The following RIN3 variants were observed in gnomAD, a reference collection of about 807,000 sequenced individuals.
RIN3 encodes the protein RAB5 interacting protein 3.
RIN3 carries 54 observed loss-of-function variants against 76.3 expected under a neutral mutation model. The ratio of observed to expected loss-of-function variants is 0.71; its 90% CI spans 0.57 to 0.89. The LOEUF (loss-of-function observed/expected upper bound fraction) is 0.89, where lower values mean the gene tolerates loss of function less well. Among genes scored for constraint, RIN3 ranks in the 40% least tolerant of loss-of-function variants. The pLI, the probability that RIN3 is intolerant of heterozygous loss-of-function variation, is 0.00. For missense variants in RIN3, 1,256 were observed against 1,322.1 expected (o/e 0.95, Z 0.78); for synonymous variants, 576 against 564.0 (o/e 1.02, Z -0.30).
At chr14:92,638,388 G>A (rs982990109) in intron 4 of RIN3, among the ~76,000 whole-genome samples, 1 of 152,188 alleles carries the variant, frequency 6.6e-6, no homozygotes, top group African/African-American at 2.4e-5. Flanking sequence ...GGGGCAAGCC[G>A]GAAAGGCAGA....
chr14:92,606,746 A>G (rs1181577724), intron 3 of RIN3, among the ~76,000 whole-genome samples: 1 of 152,236 alleles, frequency 6.6e-6, no homozygotes, highest in African/African-American at 2.4e-5. Flanking sequence ...CATAAAAAAG[A>G]TGGACAATAA....
chr14:92,531,745 C>A (rs1167671481), intron 1 of RIN3, among the ~76,000 whole-genome samples: 2 of 152,100 alleles, frequency 1.3e-5, no homozygotes, highest in African/African-American at 4.8e-5. Context: ...TGGCCTGCAC[C>A]CTCACGACAC....
At chr14:92,621,894 G>C (rs905736080) in intron 4 of RIN3, among the ~76,000 whole-genome samples, 2 of 152,154 alleles carry the variant, frequency 1.3e-5, no homozygotes, top group Admixed American at 6.5e-5. Flanking sequence ...CAAGCTTACT[G>C]GTTTTACTTT....
chr14:92,652,035 C>T lies in RIN3; in HGVS notation c.986C>T (p.Pro329Leu). The T allele has an allele frequency of 6.2e-7, 1 of 1,601,204 alleles. No homozygotes were observed. The highest frequency in any genetic ancestry group is 8.5e-7 in the Non-Finnish European group (1 of 1,178,598). ...CACGTCACACCCCATGCCCCAGGTC[C>T]CCCAGACCATCCGAACCAGCCGCCC... Reference protein sequence around the residue: ...APHVTPHAPGPPDHPNQPPMM... With the variant: ...APHVTPHAPGLPDHPNQPPMM... The change falls in exon 6 of 10, where the codon CCC (proline) becomes CTC (leucine). Residue 329 changes from proline to leucine, a missense_variant. Physicochemically the swap from Pro to Leu is moderately conservative, Grantham distance 98 (BLOSUM62 -3). Transcript: ENST00000216487. The surrounding 1 kb of genome is among the most constrained non-coding windows in gnomAD (Gnocchi z 6.4).
intron 1 of RIN3, among the ~76,000 whole-genome samples, chr14:92,527,488 A>ATAGGT (rs1896770232): frequency 6.6e-6 from 1 of 152,200 alleles, no homozygotes; most frequent in Non-Finnish European, 1.5e-5. Flanking sequence ...CTATAGGACT[A>ATAGGT]CATCTTTTGG....
rs1293175957 is a variant in RIN3 at position 92,652,901 on chromosome 14, A to G, written c.1852A>G (p.Ser618Gly). 6.2e-7 allele frequency: 1 copy of G among 1,614,054 alleles called. No homozygotes were observed. Among genetic ancestry groups the G allele is most frequent in the Non-Finnish European group, 8.5e-7 (1 of 1,180,034 alleles). Residue 618 changes from serine to glycine, a missense_variant, in exon 6 of 10, where the codon AGC becomes GGC. Ser to Gly is a moderately conservative substitution (Grantham distance 56). Transcript: ENST00000216487. The surrounding 1 kb of genome is among the most constrained non-coding windows in gnomAD (Gnocchi z 6.4). ...GCAGGACAAGGGCTCGTACTTTGGC[A>G]GCCTGGTGCAGGACTACAAGGTGTA... ...LAQDKGSYFG[S>G]LVQDYKVYSL...
At chr14:92,626,181 C>A (rs1388619852) in intron 4 of RIN3, among the ~76,000 whole-genome samples, 2 of 152,176 alleles carry the variant, frequency 1.3e-5, no homozygotes, top group African/African-American at 4.8e-5. Flanking sequence ...ATTTTCCCAG[C>A]AGACTGCATT....
intron 7 of RIN3, among the ~76,000 whole-genome samples, chr14:92,673,509 CTTT>C (rs34245765): frequency 6.8e-6 from 1 of 146,850 alleles, no homozygotes; most frequent in Non-Finnish European, 1.5e-5. Context: ...AAAATATCCA[CTTT>C]TTTTTTTTTT....
intron 1 of RIN3, among the ~76,000 whole-genome samples, chr14:92,532,045 C>T (rs1486742083): frequency 2.0e-5 from 3 of 151,930 alleles, no homozygotes; most frequent in South Asian, 2.1e-4. Flanking sequence ...TCTCCTGCCT[C>T]GGCCTCCTGA....
intron 4 of RIN3, among the ~76,000 whole-genome samples, chr14:92,632,710 C>T (rs1228068776): frequency 3.3e-5 from 5 of 152,136 alleles, no homozygotes; most frequent in Non-Finnish European, 2.9e-5. Flanking sequence ...CCACTCCAGC[C>T]GCTCCCTCCA....
chr14:92,666,915 G>A lies in RIN3; in HGVS notation c.2335+7446G>A, dbSNP rs528855404. 2.0e-5 allele frequency among the ~76,000 whole-genome samples: 3 copies of A among 152,316 alleles called. No individual in the cohort carries two copies. In the East Asian group the frequency reaches 5.8e-4, roughly 29 times the overall value. ...CCTGATACCACCCACGTGAGCTTCT[G>A]GAAACAGGGCCTGGCTCCTAACCCC... On this transcript the variant is annotated intron_variant, in intron 7 of 9. Transcript: ENST00000216487.
chr14:92,588,207 T>C (rs2140073128), intron 3 of RIN3, among the ~76,000 whole-genome samples: 1 of 136,606 alleles, frequency 7.3e-6, no homozygotes, highest in East Asian at 2.1e-4. Flanking sequence ...ATTCAAGCCA[T>C]AGCACTCTTT....
At chr14:92,631,932 G>A (rs188754837) in intron 4 of RIN3, among the ~76,000 whole-genome samples, 17 of 152,296 alleles carry the variant, frequency 1.1e-4, no homozygotes, top group Admixed American at 1.1e-3. Flanking sequence ...CCAGGTGAAT[G>A]ATACCAGTTG....
At position 92,651,927 on chromosome 14, in the gene RIN3, G is replaced by T; in HGVS notation, c.878G>T (p.Ser293Ile). ...PPPVLPLQPC[S>I]PAQPPVLPAL... The stretch of plus-strand genomic sequence containing the variant: ...CCAGTGCTGCCCCTGCAGCCCTGCA[G>T]CCCAGCCCAGCCCCCTGTGCTCCCT... Residue 293 changes from serine to isoleucine, a missense_variant, in exon 6 of 10, where the codon AGC becomes ATC. Ser to Ile is a moderately radical substitution (Grantham distance 142). This residue lies in a region of RIN3 where 610 missense variants were observed against 626.4 expected (regional missense o/e 0.97). Transcript: ENST00000216487. 7.6e-7 allele frequency: 1 copy of T among 1,319,878 alleles called. No individual in the cohort carries two copies. Among genetic ancestry groups the T allele is most frequent in the Non-Finnish European group, 9.9e-7 (1 of 1,011,902 alleles). The allele number at this position is 1,319,878 out of a possible 1,614,324, so 81.8% of individuals were successfully genotyped here.
At chr14:92,536,734 C>T (rs1897009350) in intron 1 of RIN3, among the ~76,000 whole-genome samples, 2 of 124,624 alleles carry the variant, frequency 1.6e-5, no homozygotes, top group South Asian at 5.3e-4. Flanking sequence ...GAGCAAGACT[C>T]CGTCTCAGAA....
intron 3 of RIN3, among the ~76,000 whole-genome samples, chr14:92,581,614 C>T (rs975836679): frequency 4.7e-4 from 71 of 152,230 alleles, no homozygotes; most frequent in African/African-American, 1.6e-3. Flanking sequence ...CCCACCTCCC[C>T]GCCCAGCCTC....
intron 3 of RIN3, among the ~76,000 whole-genome samples, chr14:92,582,821 C>T (rs1365673826): frequency 1.3e-5 from 2 of 152,152 alleles, no homozygotes; most frequent in Non-Finnish European, 1.5e-5. Context: ...CTAGCATGCA[C>T]CCAGACAACA....
chr14:92,602,281 C>T (rs578180717), intron 3 of RIN3, among the ~76,000 whole-genome samples: 1 of 152,196 alleles, frequency 6.6e-6, no homozygotes, highest in Non-Finnish European at 1.5e-5. Flanking sequence ...AAGTTCTGCC[C>T]AAGAAGGCCT....
intron 4 of RIN3, among the ~76,000 whole-genome samples, chr14:92,617,062 G>C (rs965253050): frequency 1.3e-5 from 2 of 152,184 alleles, no homozygotes; most frequent in Non-Finnish European, 2.9e-5. Flanking sequence ...ACTTTGGGAG[G>C]CCGAGGCCGG....
Sources: allele counts gnomAD v4.1 joint callset (sites outside exome capture counted in the v4.1 genomes callset), GRCh38; gene constraint gnomAD v4.1.1; regional missense constraint gnomAD v4.1.1; non-coding constraint Gnocchi (gnomAD v3.1); transcripts MANE v1.5; gene names NCBI Gene and HGNC (gene_info 2026-07-23, HGNC 2026-07-21).